TMEM165: variants seen among roughly 807,000 people sequenced by gnomAD.
TMEM165 encodes the protein transmembrane protein 165.
In TMEM165, 19 loss-of-function variants were observed where a neutral mutation model predicts 30.0. That is an observed-to-expected ratio of 0.63 (90% CI 0.44 to 0.93). The LOEUF is 0.93. TMEM165 is among the 40% of genes least tolerant of loss of function. The pLI is 0.00. For synonymous variants in TMEM165, 168 were observed against 162.9 expected, an observed-to-expected ratio of 1.03 and a Z score of -0.24; for missense variants, 340 against 417.0, an observed-to-expected ratio of 0.82 and a Z score of 1.61.
chr4:55,404,631 T>G (rs962381881), intron 1 of TMEM165, among the ~76,000 whole-genome samples: 1 of 151,688 alleles, frequency 6.6e-6, no homozygotes, highest in African/African-American at 2.4e-5. Context: ...GGAGATGAGG[T>G]CTCACTATGT....
intron 2 of TMEM165, 174 bp from the exon 3 acceptor site, chr4:55,416,898 T>G: frequency 1.8e-6 from 1 of 541,940 alleles, no homozygotes; most frequent in Non-Finnish European, 3.1e-6. Context: ...ACCTAATGGT[T>G]TATTATTGGT....
At chr4:55,452,892 C>T in exon 4 of TMEM165, 4 of 555,160 alleles carry the variant, frequency 7.2e-6, no homozygotes, top group Non-Finnish European at 1.2e-5. Flanking sequence ...AGGTGAGACT[C>T]TAAAATATTA....
chr4:55,424,846 T>A (rs1722126530), intron 5 of TMEM165: 1 of 527,384 alleles, frequency 1.9e-6, no homozygotes, highest in African/African-American at 1.9e-5. Context: ...TACAAAGTCA[T>A]TTTTATCGAA....
At chr4:55,443,897 C>T in intron 3 of TMEM165, 1 of 1,610,924 alleles carries the variant, frequency 6.2e-7, no homozygotes, top group Non-Finnish European at 8.5e-7. Context: ...GCAAAAACAT[C>T]TTTAAAAATA....
chr4:55,403,243 A>G, intron 1 of TMEM165: 1 of 1,288,090 alleles, frequency 7.8e-7, no homozygotes, highest in Non-Finnish European at 1.0e-6. Flanking sequence ...CAGGGACATC[A>G]GTTTTTTTCT....
chr4:55,398,047 A>G (rs1332490903), intron 1 of TMEM165, among the ~76,000 whole-genome samples: 1 of 151,894 alleles, frequency 6.6e-6, no homozygotes, highest in Non-Finnish European at 1.5e-5. Flanking sequence ...TTCGTGTTTC[A>G]TGTTTTCGTT....
rs1227526234 is a variant in TMEM165 at position 55,403,593 on chromosome 4, G to T, written c.207+7197G>T. Among the ~76,000 whole-genome samples, 56 of 133,046 alleles carry T rather than the reference G, an allele frequency of 4.2e-4. 1 individual carries two copies. Among genetic ancestry groups the T allele is most frequent in the Non-Finnish European group, 1.6e-4 (10 of 64,072 alleles). 87.3% of individuals were successfully genotyped at this position (133,046 alleles called of 152,430 possible). A position where few individuals can be genotyped will look rare whatever the true frequency, so the allele number is the denominator to read the frequency against. On this transcript the variant is annotated intron_variant, in intron 1 of 5. Transcript: ENST00000381334. ...AGTTTTTTTAAAAAAATCTTAAGTT[G>T]TTAATCCTGCTCTCAAGATGTAAGT...
exon 4 of TMEM165, chr4:55,452,680 G>A (rs913563083): frequency 6.6e-5 from 13 of 196,480 alleles, no homozygotes; most frequent in Non-Finnish European, 1.2e-4. Context: ...GTGTCTTTAG[G>A]GAAGATTTTT....
chr4:55,435,780 A>T (rs1414283610), intron 3 of TMEM165, among the ~76,000 whole-genome samples: 1 of 152,178 alleles, frequency 6.6e-6, no homozygotes, highest in Non-Finnish European at 1.5e-5. Flanking sequence ...CCTCTTTCTG[A>T]AAGTATGAGA....
intron 1 of TMEM165, among the ~76,000 whole-genome samples, chr4:55,404,687 A>G (rs1260853314): frequency 2.0e-5 from 3 of 150,328 alleles, no homozygotes; most frequent in African/African-American, 7.4e-5. Context: ...GTCCTCCTGC[A>G]TCGGCCTCCC....
chr4:55,435,711 A>C, intron 3 of TMEM165: 1 of 1,020,436 alleles, frequency 9.8e-7, no homozygotes, highest in Non-Finnish European at 1.5e-6. Context: ...TACATAATGC[A>C]TATCACTTTC....
intron 2 of TMEM165, chr4:55,416,791 A>T: frequency 4.1e-6 from 1 of 243,064 alleles, no homozygotes. Flanking sequence ...ACATGCCTGG[A>T]AAGGAGTTCA....
At chr4:55,441,804 G>A (rs1385111404) in intron 3 of TMEM165, among the ~76,000 whole-genome samples, 1 of 152,142 alleles carries the variant, frequency 6.6e-6, no homozygotes, top group African/African-American at 2.4e-5. Context: ...ACTAAAATAA[G>A]TTATAGATGG....
chr4:55,397,650 C>T (rs1720781624), intron 1 of TMEM165, among the ~76,000 whole-genome samples: 1 of 151,818 alleles, frequency 6.6e-6, no homozygotes, highest in African/African-American at 2.4e-5. Flanking sequence ...CCTCTCCTTT[C>T]TCCTTTTTCC....
intron 4 of TMEM165, among the ~76,000 whole-genome samples, chr4:55,422,746 T>G (rs1722034037): frequency 6.6e-6 from 1 of 151,950 alleles, no homozygotes; most frequent in African/African-American, 2.4e-5. Flanking sequence ...CCTCCTGGAT[T>G]CAAGCCAATT....
intron 3 of TMEM165, among the ~76,000 whole-genome samples, chr4:55,448,184 T>C (rs1296163450): frequency 6.6e-6 from 1 of 152,240 alleles, no homozygotes; most frequent in East Asian, 1.9e-4. Flanking sequence ...TCATTCCCTC[T>C]AGATGTAATG....
At chr4:55,442,499 A>G in intron 3 of TMEM165, 1 of 1,607,774 alleles carries the variant, frequency 6.2e-7, no homozygotes, top group South Asian at 1.1e-5. Flanking sequence ...GGCATACTAG[A>G]TGGAATCTGG....
At chr4:55,400,346 AT>A (rs1560386124) in intron 1 of TMEM165, among the ~76,000 whole-genome samples, 1 of 89,392 alleles carries the variant, frequency 1.1e-5, no homozygotes, top group Non-Finnish European at 2.2e-5. Context: ...AATATTAATT[AT>A]ATTATATTAA....
Position 55,395,967 on chromosome 4 carries a change from T to TA in TMEM165, c.-222dup. On this transcript the variant is annotated 5_prime_UTR_variant, in exon 1 of 6. Coordinates refer to ENST00000381334, the MANE Select transcript of TMEM165 (RefSeq NM_018475.5). ...CCGAGGCAGCTGGCTGACTCCAGTT[T>TA]AGCCGCCGCCGGAGAGGACGGGCGC... The TA allele has an allele frequency of 2.7e-6, 1 of 374,330 alleles. No individual in the cohort carries two copies. The highest frequency in any genetic ancestry group is 4.7e-6 in the Non-Finnish European group (1 of 214,480). The allele number at this position is 374,330 out of a possible 1,614,324, so 23.2% of individuals were successfully genotyped here. A position where few individuals can be genotyped will look rare whatever the true frequency, so the allele number is the denominator to read the frequency against.
Sources: allele counts gnomAD v4.1 joint callset (sites outside exome capture counted in the v4.1 genomes callset), GRCh38; gene constraint gnomAD v4.1.1; transcripts MANE v1.5; gene names NCBI Gene and HGNC (gene_info 2026-07-23, HGNC 2026-07-21).